SH3PXD2A: variants seen among roughly 807,000 people sequenced by gnomAD.
SH3PXD2A encodes the protein SH3 and PX domains 2A.
Under a neutral mutation model 115.2 loss-of-function variants are expected in SH3PXD2A, and 32 were observed. That is an observed-to-expected ratio of 0.28 (90% CI 0.21 to 0.37). SH3PXD2A has a LOEUF of 0.37. Ranked by LOEUF, SH3PXD2A falls within the 10% of genes least tolerant of loss-of-function variation. The probability of loss-of-function intolerance (pLI) is 1.00; values close to 1 mark genes in which losing one functional copy is unlikely to be tolerated. For synonymous variants in SH3PXD2A, 610 were observed against 629.1 expected, an observed-to-expected ratio of 0.97 and a Z score of 0.45; for missense variants, 1,328 against 1,498.7, an observed-to-expected ratio of 0.89 and a Z score of 1.88.
intron 3 of SH3PXD2A, chr10:103,754,116 T>G (rs2038611578): frequency 6.6e-6 from 1 of 152,252 alleles, no homozygotes; most frequent in African/African-American, 2.4e-5. Flanking sequence ...CCTGGCTCCT[T>G]TACTTTGAAG....
chr10:103,847,517 G>C (rs1842858378), intron 1 of SH3PXD2A, among the ~76,000 whole-genome samples: 1 of 152,094 alleles, frequency 6.6e-6, no homozygotes, highest in Non-Finnish European at 1.5e-5. Context: ...TAGAGATGGG[G>C]TCTTGCTACA....
intron 2 of SH3PXD2A, among the ~76,000 whole-genome samples, chr10:103,774,332 C>G (rs2134233831): frequency 6.6e-6 from 1 of 152,300 alleles, no homozygotes; most frequent in East Asian, 1.9e-4. Flanking sequence ...CATTTCCATA[C>G]TAGCGGTTAA....
chr10:103,716,289 G>C (rs1349477022), intron 5 of SH3PXD2A, among the ~76,000 whole-genome samples: 2 of 152,182 alleles, frequency 1.3e-5, no homozygotes, highest in Non-Finnish European at 1.5e-5. Flanking sequence ...AGGGACACTG[G>C]GGGTGGACTC....
chr10:103,854,414 G>C (rs944135646), intron 1 of SH3PXD2A, among the ~76,000 whole-genome samples: 1 of 152,110 alleles, frequency 6.6e-6, no homozygotes, highest in East Asian at 1.9e-4. Context: ...GAGATGAAAG[G>C]GGAACTGTCA....
At chr10:103,713,677 G>C (rs1277848378) in intron 5 of SH3PXD2A, among the ~76,000 whole-genome samples, 1 of 152,212 alleles carries the variant, frequency 6.6e-6, no homozygotes, top group Non-Finnish European at 1.5e-5. Context: ...TGCTGCGCAA[G>C]GCCCTGCACC....
rs180845084 is a variant in SH3PXD2A at position 103,804,121 on chromosome 10, A to G, written c.73-2759T>C. Among the ~76,000 whole-genome samples, 222 of 152,104 alleles carry G rather than the reference A, an allele frequency of 1.5e-3. 1 individual carries two copies. Among genetic ancestry groups the G allele is most frequent in the African/African-American group, 4.1e-3 (171 of 41,488 alleles). ...CAGGCTTCAGAGAGAACAGATTGTAAATGTTTCTTATCAGATCTTAGGTCT... is the reference window on the plus strand; with the variant it reads ...CAGGCTTCAGAGAGAACAGATTGTAGATGTTTCTTATCAGATCTTAGGTCT... On this transcript the variant is annotated intron_variant, in intron 1 of 14. Transcript: ENST00000369774.
chr10:103,690,071 A>G (rs956276328), intron 6 of SH3PXD2A, among the ~76,000 whole-genome samples: 4 of 152,178 alleles, frequency 2.6e-5, no homozygotes, highest in African/African-American at 9.7e-5. Flanking sequence ...TCAGTTTGCC[A>G]AGGACTGTGT....
At chr10:103,639,608 TAAAAAAAAAAAAAAAA>T (rs67918508) in intron 8 of SH3PXD2A, among the ~76,000 whole-genome samples, 1 of 85,848 alleles carries the variant, frequency 1.2e-5, no homozygotes, top group Non-Finnish European at 2.3e-5. Context: ...GACTCCGTCT[TAAAAAAAAAAAAAAAA>T]AAGAAAAAGA....
intron 8 of SH3PXD2A, among the ~76,000 whole-genome samples, chr10:103,649,981 C>T (rs933898151): frequency 1.9e-4 from 29 of 152,256 alleles, no homozygotes; most frequent in African/African-American, 7.0e-4. Context: ...CACTGGCCCC[C>T]AGAAGCCTTG....
At chr10:103,783,415 G>A (rs1409005458) in intron 2 of SH3PXD2A, among the ~76,000 whole-genome samples, 2 of 150,532 alleles carry the variant, frequency 1.3e-5, no homozygotes, top group Admixed American at 6.7e-5. Context: ...GGGCAGAGTC[G>A]ATGCAGAGGA....
intron 9 of SH3PXD2A, among the ~76,000 whole-genome samples, chr10:103,624,432 A>G (rs538533543): frequency 6.6e-6 from 1 of 152,264 alleles, no homozygotes; most frequent in Admixed American, 6.5e-5. Context: ...GACAGAGGTA[A>G]CACACCTCTC....
At chr10:103,695,668 C>G (rs1317569396) in intron 5 of SH3PXD2A, among the ~76,000 whole-genome samples, 1 of 152,220 alleles carries the variant, frequency 6.6e-6, no homozygotes, top group African/African-American at 2.4e-5. Context: ...CCCCAACCTA[C>G]TGCATGGTCT....
chr10:103,678,730 C>T (rs533224539), intron 6 of SH3PXD2A, among the ~76,000 whole-genome samples: 1 of 152,234 alleles, frequency 6.6e-6, no homozygotes, highest in South Asian at 2.1e-4. Flanking sequence ...ATTTCATGTG[C>T]ATCTCCTAGT....
chr10:103,640,853 G>A (rs1164569005), intron 8 of SH3PXD2A, among the ~76,000 whole-genome samples: 4 of 152,038 alleles, frequency 2.6e-5, no homozygotes, highest in Non-Finnish European at 5.9e-5. Flanking sequence ...TGGTGGGCCC[G>A]GGATGTGTCA....
intron 1 of SH3PXD2A, among the ~76,000 whole-genome samples, chr10:103,846,681 T>C (rs1458413326): frequency 4.6e-5 from 7 of 152,232 alleles, no homozygotes; most frequent in Non-Finnish European, 1.0e-4. Flanking sequence ...CACCATTTTC[T>C]AGATGGGCAA....
intron 1 of SH3PXD2A, among the ~76,000 whole-genome samples, chr10:103,844,579 C>A (rs1206677240): frequency 6.6e-6 from 1 of 152,228 alleles, no homozygotes; most frequent in African/African-American, 2.4e-5. Flanking sequence ...TGAGGAGCAC[C>A]TTCTCACAGA....
intron 14 of SH3PXD2A, 116 bp downstream of exon 14, chr10:103,605,682 A>G (rs1416031227): frequency 1.5e-6 from 2 of 1,312,204 alleles, no homozygotes; most frequent in East Asian, 2.3e-5. Flanking sequence ...TCATTTCTGT[A>G]CCTTTCCTGC....
rs766002032 is a variant in SH3PXD2A at position 103,602,177 on chromosome 10, C to G, written c.3041G>C (p.Arg1014Pro). ...TATDGLRGVR[R>P]NSSFSTARSA... ...GCGAGCAGTGCTAAAGGAGGAGTTC[C>G]GTCGGACGCCTCGGAGGCCATCAGT... The change falls in exon 15 of 15, where the codon CGG becomes CCG. Residue 1014 changes from arginine (R) to proline (P), a missense_variant. Physicochemically the swap from Arg to Pro is moderately radical, Grantham distance 103. This residue lies in a region of SH3PXD2A where 574 missense variants were observed against 565.7 expected (regional missense o/e 1.01). Transcript: ENST00000369774. 6.4e-7 allele frequency: 1 copy of G among 1,574,588 alleles called. No individual in the cohort carries two copies. Among genetic ancestry groups the G allele is most frequent in the African/African-American group, 1.4e-5 (1 of 73,976 alleles).
rs2036197606 is a variant in SH3PXD2A, at chr10:103,600,333, C to T, written c.*1483G>A. 6.6e-6 allele frequency: 1 copy of T among 152,452 alleles called. No homozygotes were observed. The highest frequency in any genetic ancestry group is 2.4e-5 in the African/African-American group (1 of 41,458). The allele number at this position is 152,452 out of a possible 1,614,324, so 9.4% of individuals were successfully genotyped here. ...GGGAACTTTATTCTCTCGCTTCTGTCTTCACTGGGGCACTGACCCTCGGGA... is the reference window on the plus strand; with the variant it reads ...GGGAACTTTATTCTCTCGCTTCTGTTTTCACTGGGGCACTGACCCTCGGGA... On this transcript the variant is annotated 3_prime_UTR_variant, in exon 15 of 15. Coordinates refer to ENST00000369774, the MANE Select transcript of SH3PXD2A (RefSeq NM_001394015.1).
Sources: allele counts gnomAD v4.1 joint callset (sites outside exome capture counted in the v4.1 genomes callset), GRCh38; gene constraint gnomAD v4.1.1; regional missense constraint gnomAD v4.1.1; transcripts MANE v1.5; gene names NCBI Gene and HGNC (gene_info 2026-07-23, HGNC 2026-07-21).